The following AFF2 variants were observed in gnomAD, a reference collection of about 807,000 sequenced individuals.
The protein encoded by AFF2 is AF4/FMR2 family member 2.
A neutral mutation model predicts 76.9 loss-of-function variants in AFF2; 14 were observed. The ratio of observed to expected loss-of-function variants is 0.18; its 90% CI spans 0.12 to 0.28. The LOEUF (loss-of-function observed/expected upper bound fraction) is 0.28. Among genes scored for constraint, AFF2 ranks in the 10% least tolerant of loss-of-function variants. The pLI is 1.00. For synonymous variants in AFF2, 398 were observed against 366.7 expected (o/e 1.09, Z -0.98); for missense variants, 868 against 1,001.1 (o/e 0.87, Z 1.79).
intron 9 of AFF2, among the ~76,000 whole-genome samples, chrX:148,924,028 C>A (rs984585262): frequency 9.0e-6 from 1 of 111,708 alleles, no homozygotes; most frequent in Admixed American, 9.5e-5. Context: ...AGCAAATAAA[C>A]GAGGCCTAAT....
At chrX:148,545,300 C>T (rs1557237990) in intron 1 of AFF2, among the ~76,000 whole-genome samples, 2 of 111,694 alleles carry the variant, frequency 1.8e-5, no homozygotes, top group Non-Finnish European at 3.8e-5. Flanking sequence ...CTTTATGAAA[C>T]ACTGAGAAGT....
At chrX:148,953,789 A>G in intron 10 of AFF2, 50 bp downstream of exon 10, 1 of 1,015,895 alleles carries the variant, frequency 9.8e-7, no homozygotes, top group Non-Finnish European at 1.4e-6. Flanking sequence ...TCCCACAGGC[A>G]GCACCCTCAA....
intron 1 of AFF2, among the ~76,000 whole-genome samples, chrX:148,634,248 C>G (rs2054007154): frequency 8.9e-6 from 1 of 111,799 alleles, no homozygotes; most frequent in African/African-American, 3.3e-5. Context: ...ATCATCATCT[C>G]TATGGTTGCA....
rs1557293200 is a variant in AFF2, at chrX:148,996,555, A to G, written c.*5223A>G. ...TTAATATATGTGTTCATGTGGACAC[A>G]CACAGACACACACACACAAACTCAC... On this transcript the variant is annotated 3_prime_UTR_variant, in exon 21 of 21. Transcript: ENST00000370460. 1 of 112,675 alleles carries G rather than the reference A, an allele frequency of 8.9e-6. No individual in the cohort carries two copies. The highest frequency in any genetic ancestry group is 1.9e-5 in the Non-Finnish European group (1 of 53,385). 9.3% of individuals were successfully genotyped at this position (112,675 alleles called of 1,213,427 possible). A position where few individuals can be genotyped will look rare whatever the true frequency, so the allele number is the denominator to read the frequency against.
chrX:148,977,045 C>T lies in AFF2; in HGVS notation c.3405-888C>T, dbSNP rs2266815. On this transcript the variant is annotated intron_variant, in intron 16 of 20. Transcript: ENST00000370460. ...AAGCGAGGAGTCAGGCATGCCAGCTCAGTGGCCCTGCAGGCTTTCTGTCGC... is the reference window on the plus strand; with the variant it reads ...AAGCGAGGAGTCAGGCATGCCAGCTTAGTGGCCCTGCAGGCTTTCTGTCGC... Among the ~76,000 whole-genome samples the T allele has an allele frequency of 7.1e-5, 8 of 112,156 alleles. No homozygotes were observed. The East Asian group carries it at 2.3e-3, about 32-fold the overall frequency.
At chrX:148,533,233 G>A (rs1387806466) in intron 1 of AFF2, among the ~76,000 whole-genome samples, 2 of 111,905 alleles carry the variant, frequency 1.8e-5, no homozygotes, top group Admixed American at 9.4e-5. Flanking sequence ...CACAAATATA[G>A]TAATGGCTTT....
intron 1 of AFF2, among the ~76,000 whole-genome samples, chrX:148,631,172 G>T (rs1184820286): frequency 8.9e-6 from 1 of 111,764 alleles, no homozygotes; most frequent in Admixed American, 9.5e-5. Flanking sequence ...GGTTCCAGAA[G>T]ATTATACTTG....
intron 1 of AFF2, among the ~76,000 whole-genome samples, chrX:148,549,337 C>T (rs1208826582): frequency 1.8e-5 from 2 of 112,331 alleles, no homozygotes; most frequent in African/African-American, 3.2e-5. Flanking sequence ...AGGAAATTTT[C>T]GGATATAGCT....
At chrX:148,547,836 A>G (rs1557238360) in intron 1 of AFF2, among the ~76,000 whole-genome samples, 2 of 111,740 alleles carry the variant, frequency 1.8e-5, no homozygotes, top group Non-Finnish European at 1.9e-5. Context: ...GAACAAAGAA[A>G]AAGTCCTTCC....
At chrX:148,716,772 G>GCCT (rs1557263395) in intron 3 of AFF2, among the ~76,000 whole-genome samples, 2 of 111,414 alleles carry the variant, frequency 1.8e-5, no homozygotes, top group Non-Finnish European at 3.8e-5. Context: ...GCCTTTTGTG[G>GCCT]CCTCTGTCTT....
rs528002757 is a variant in AFF2, at chrX:148,544,511, A to G, written c.47+43367A>G. Among the ~76,000 whole-genome samples, 4 of 112,177 alleles carry G rather than the reference A, an allele frequency of 3.6e-5. No homozygotes were observed. The South Asian group carries it at 1.5e-3, about 42-fold the overall frequency. The stretch of plus-strand genomic sequence containing the variant: ...GTGTGAGTGTGCACACATGTGTCTC[A>G]GTTTGCCTCTGTCTTAGGGATTGGG... On this transcript the variant is annotated intron_variant, in intron 1 of 20. Coordinates refer to ENST00000370460, the MANE Select transcript of AFF2 (RefSeq NM_002025.4).
rs7060795 is a variant in AFF2 at position 148,872,100 on chromosome X, A to C, written c.1263-13789A>C. Among the ~76,000 whole-genome samples, 380 of 109,575 alleles carry C rather than the reference A, an allele frequency of 3.5e-3. 1 individual carries two copies. The highest frequency in any genetic ancestry group is 0.012 in the African/African-American group (361 of 29,893). ...CGTTCTTCTCTTGTCCAGCTGTGAG[A>C]CTTTTTTTTTTAAAAAAGACGGCTC... On this transcript the variant is annotated intron_variant, in intron 7 of 20. Coordinates refer to ENST00000370460, the MANE Select transcript of AFF2 (RefSeq NM_002025.4).
At chrX:148,584,525 G>T (rs146565541) in intron 1 of AFF2, among the ~76,000 whole-genome samples, 1 of 108,334 alleles carries the variant, frequency 9.2e-6, no homozygotes, top group Non-Finnish European at 1.9e-5. Context: ...TCAGCTTGAC[G>T]TAGTTATTTG....
intron 3 of AFF2, among the ~76,000 whole-genome samples, chrX:148,774,070 T>C (rs1450821790): frequency 2.7e-5 from 3 of 111,615 alleles, no homozygotes. Context: ...CAGCACATAC[T>C]CATCAGAAAT....
Position 148,869,252 on chromosome X carries a change from G to A in AFF2, c.1263-16637G>A, listed in dbSNP as rs187747323. On this transcript the variant is annotated intron_variant, in intron 7 of 20. Transcript: ENST00000370460. ...GGGATTGGGAGAATGATAGCTAAAA[G>A]TTACAGGGTTTCATTCTGGAGTGGT... Among the ~76,000 whole-genome samples, 6 of 111,645 alleles carry A rather than the reference G, an allele frequency of 5.4e-5. No homozygotes were observed. In the East Asian group the frequency reaches 1.7e-3, roughly 32 times the overall value.
chrX:148,657,361 A>C (rs1416040082), intron 2 of AFF2, among the ~76,000 whole-genome samples: 1 of 112,316 alleles, frequency 8.9e-6, no homozygotes, highest in Non-Finnish European at 1.9e-5. Context: ...GAATTAGAAA[A>C]AGACAAATTA....
intron 1 of AFF2, among the ~76,000 whole-genome samples, chrX:148,639,965 AGCT>A (rs782357787): frequency 2.5e-4 from 28 of 112,346 alleles, no homozygotes; most frequent in African/African-American, 9.1e-4. Context: ...TAGAGAAAGG[AGCT>A]GCTATGTCAT....
rs1365124948 is a variant in AFF2, at chrX:148,839,037, A to G, written c.1173+1304A>G. Among the ~76,000 whole-genome samples the G allele has an allele frequency of 2.7e-5, 3 of 112,242 alleles. No homozygotes were observed. In the Admixed American group the frequency reaches 2.8e-4, roughly 11 times the overall value. On this transcript the variant is annotated intron_variant, in intron 5 of 20. Coordinates refer to ENST00000370460, the MANE Select transcript of AFF2 (RefSeq NM_002025.4). ...GCAAAGGGAGTTATCCATCCAGTTC[A>G]GGTCCAACACTTGTACAGCAATTGC...
At chrX:148,798,931 G>T (rs1284920786) in intron 3 of AFF2, among the ~76,000 whole-genome samples, 1 of 111,525 alleles carries the variant, frequency 9.0e-6, no homozygotes, top group Non-Finnish European at 1.9e-5. Flanking sequence ...TTTGCAGAGT[G>T]ATTTTCTGGA....
Sources: allele counts gnomAD v4.1 joint callset (sites outside exome capture counted in the v4.1 genomes callset), GRCh38; gene constraint gnomAD v4.1.1; transcripts MANE v1.5; gene names NCBI Gene and HGNC (gene_info 2026-07-23, HGNC 2026-07-21).